Variants in SGCZ observed in about 807,000 individuals in gnomAD.
The protein encoded by SGCZ is zeta-sarcoglycan.
A neutral mutation model predicts 41.3 loss-of-function variants in SGCZ; 40 were observed. That is an observed-to-expected ratio of 0.97 (90% confidence interval 0.75 to 1.26). The LOEUF (loss-of-function observed/expected upper bound fraction) is 1.26, where lower values mean the gene tolerates loss of function less well. Ranked by LOEUF, SGCZ falls within the 50% of genes most tolerant of loss-of-function variation. SGCZ has a pLI of 0.00. For synonymous variants in SGCZ, 206 were observed against 137.5 expected (o/e 1.50, Z -3.49); for missense variants, 552 against 369.8 (o/e 1.49, Z -4.04).
At chr8:14,122,194 G>A (rs1000171312) in intron 5 of SGCZ, among the ~76,000 whole-genome samples, 3 of 152,110 alleles carry the variant, frequency 2.0e-5, no homozygotes, top group Non-Finnish European at 2.9e-5. Context: ...GGAGAATGGC[G>A]TGAACCCGGG....
chr8:14,480,856 G>C (rs573533908), intron 2 of SGCZ, among the ~76,000 whole-genome samples: 1 of 151,942 alleles, frequency 6.6e-6, no homozygotes, highest in African/African-American at 2.4e-5. Flanking sequence ...CATGATACAA[G>C]TTTAATTATA....
intron 1 of SGCZ, among the ~76,000 whole-genome samples, chr8:14,774,099 T>C (rs1033743747): frequency 1.3e-5 from 2 of 152,160 alleles, no homozygotes; most frequent in African/African-American, 4.8e-5. Flanking sequence ...TTTAAATCAC[T>C]GGATTTTGAG....
intron 1 of SGCZ, among the ~76,000 whole-genome samples, chr8:14,778,370 G>A (rs1188574754): frequency 2.0e-5 from 3 of 152,136 alleles, no homozygotes; most frequent in Non-Finnish European, 4.4e-5. Flanking sequence ...GAATTTCAGT[G>A]AGTCCATTGT....
intron 1 of SGCZ, among the ~76,000 whole-genome samples, chr8:15,113,252 A>G (rs942178975): frequency 1.3e-5 from 2 of 152,050 alleles, no homozygotes; most frequent in Non-Finnish European, 2.9e-5. Flanking sequence ...GCTCAAGAGC[A>G]ATATAGTTCA....
chr8:14,780,360 G>C (rs1175119789), intron 1 of SGCZ, among the ~76,000 whole-genome samples: 1 of 144,034 alleles, frequency 6.9e-6, no homozygotes, highest in Non-Finnish European at 1.5e-5. Flanking sequence ...GGGCCACAGA[G>C]TGAGACTCCA....
chr8:15,206,505 C>T (rs943375779), intron 1 of SGCZ, among the ~76,000 whole-genome samples: 2 of 146,802 alleles, frequency 1.4e-5, no homozygotes, highest in African/African-American at 2.5e-5. Context: ...GGCTGCAGTA[C>T]ATGGCACCAT....
intron 3 of SGCZ, among the ~76,000 whole-genome samples, chr8:14,263,315 G>A (rs1799740171): frequency 6.6e-6 from 1 of 152,106 alleles, no homozygotes; most frequent in Non-Finnish European, 1.5e-5. Flanking sequence ...TTGGGAGGCT[G>A]ATTCAGGCGG....
At chr8:14,616,555 A>C (rs1806112807) in intron 1 of SGCZ, among the ~76,000 whole-genome samples, 1 of 152,176 alleles carries the variant, frequency 6.6e-6, no homozygotes, top group African/African-American at 2.4e-5. Context: ...TATATGATTC[A>C]TAAAAACTAC....
intron 1 of SGCZ, among the ~76,000 whole-genome samples, chr8:14,806,611 T>C (rs1801538914): frequency 6.6e-6 from 1 of 151,226 alleles, no homozygotes; most frequent in Non-Finnish European, 1.5e-5. Context: ...CCAAAAAGAG[T>C]CCAGGACCAG....
chr8:14,624,176 C>A (rs1394588100), intron 1 of SGCZ, among the ~76,000 whole-genome samples: 1 of 152,102 alleles, frequency 6.6e-6, no homozygotes, highest in Non-Finnish European at 1.5e-5. Flanking sequence ...AATGCAGACA[C>A]ATGTACAGCA....
At chr8:15,186,135 G>A (rs999476352) in intron 1 of SGCZ, among the ~76,000 whole-genome samples, 10 of 150,378 alleles carry the variant, frequency 6.6e-5, no homozygotes, top group East Asian at 2.0e-4. Context: ...GGCGGAGGGC[G>A]CCTGTAGTCC....
intron 1 of SGCZ, among the ~76,000 whole-genome samples, chr8:14,909,507 T>C (rs1415546200): frequency 1.3e-5 from 2 of 152,188 alleles, no homozygotes; most frequent in African/African-American, 4.8e-5. Context: ...CTGTGTCTGA[T>C]TTATCTGTGC....
intron 1 of SGCZ, among the ~76,000 whole-genome samples, chr8:14,733,291 C>T (rs1360747255): frequency 6.6e-6 from 1 of 152,170 alleles, no homozygotes; most frequent in African/African-American, 2.4e-5. Context: ...TCCTGTTGAC[C>T]TTGTCTCACC....
At chr8:14,901,318 C>A (rs1798960627) in intron 1 of SGCZ, among the ~76,000 whole-genome samples, 1 of 152,168 alleles carries the variant, frequency 6.6e-6, no homozygotes, top group East Asian at 1.9e-4. Context: ...AGAAAGGCAT[C>A]TGTCCATTAT....
At chr8:14,143,908 C>G (rs1365923295) in intron 5 of SGCZ, among the ~76,000 whole-genome samples, 1 of 152,162 alleles carries the variant, frequency 6.6e-6, no homozygotes, top group Non-Finnish European at 1.5e-5. Flanking sequence ...GGTAAAACTG[C>G]ATGAAACTCA....
At chr8:14,270,124 G>A (rs1038872072) in intron 3 of SGCZ, among the ~76,000 whole-genome samples, 1 of 151,950 alleles carries the variant, frequency 6.6e-6, no homozygotes, top group Non-Finnish European at 1.5e-5. Flanking sequence ...CTGAGGTCAG[G>A]AGTTCAAGAC....
chr8:14,666,201 A>G (rs1185675989), intron 1 of SGCZ, among the ~76,000 whole-genome samples: 1 of 152,194 alleles, frequency 6.6e-6, no homozygotes, highest in Admixed American at 6.5e-5. Flanking sequence ...AAGTCTCATG[A>G]AGCATCCTAT....
chr8:15,150,731 A>C (rs947538718), intron 1 of SGCZ, among the ~76,000 whole-genome samples: 7 of 152,338 alleles, frequency 4.6e-5, no homozygotes, highest in Admixed American at 4.6e-4. Flanking sequence ...CTCACCAGGC[A>C]TAACTATACT....
chr8:15,117,604 T>G (rs911023789), intron 1 of SGCZ, among the ~76,000 whole-genome samples: 4 of 152,130 alleles, frequency 2.6e-5, no homozygotes, highest in African/African-American at 7.2e-5. Flanking sequence ...AGGAAAGAAT[T>G]TGCTCTACCT....
Sources: allele counts gnomAD v4.1 joint callset (sites outside exome capture counted in the v4.1 genomes callset), GRCh38; gene constraint gnomAD v4.1.1; transcripts MANE v1.5; gene names NCBI Gene and HGNC (gene_info 2026-07-23, HGNC 2026-07-21).